The following XRCC5 variants were observed in gnomAD, a reference collection of about 807,000 sequenced individuals.
XRCC5 encodes X-ray repair cross complementing 5, also known as DNA repair protein Ku80.
XRCC5 carries 12 observed loss-of-function variants against 95.7 expected under a neutral mutation model. That is an observed-to-expected ratio of 0.13 (90% confidence interval 0.08 to 0.20). The LOEUF (loss-of-function observed/expected upper bound fraction) is 0.20, where lower values mean the gene tolerates loss of function less well. Ranked by LOEUF, XRCC5 falls within the 10% of genes least tolerant of loss-of-function variation. The pLI is 1.00. For synonymous variants in XRCC5, 281 were observed against 290.3 expected, an observed-to-expected ratio of 0.97 and a Z score of 0.33; for missense variants, 595 against 873.9, an observed-to-expected ratio of 0.68 and a Z score of 4.02.
intron 11 of XRCC5, 105 bp from the exon 12 acceptor site, chr2:216,137,984 T>A: frequency 9.9e-7 from 1 of 1,014,862 alleles, no homozygotes; most frequent in Non-Finnish European, 1.4e-6. Context: ...GCTGTCCGAT[T>A]TTTGAAATAT....
At chr2:216,179,332 C>G (rs1232387658) in intron 16 of XRCC5, among the ~76,000 whole-genome samples, 1 of 152,160 alleles carries the variant, frequency 6.6e-6, no homozygotes, top group Non-Finnish European at 1.5e-5. Context: ...TAGGGCCTTT[C>G]CTAGTGACCT....
At chr2:216,164,932 C>T (rs1689026343) in intron 16 of XRCC5, among the ~76,000 whole-genome samples, 1 of 152,198 alleles carries the variant, frequency 6.6e-6, no homozygotes, top group African/African-American at 2.4e-5. Context: ...AATCTACTCA[C>T]ATCTTAGGAA....
At chr2:216,175,263 C>A in intron 16 of XRCC5, 1 of 422,432 alleles carries the variant, frequency 2.4e-6, no homozygotes, top group South Asian at 1.8e-5. Flanking sequence ...CCTCCATAAC[C>A]ACCTCTGCTG....
chr2:216,158,954 G>A (rs1688897488), intron 14 of XRCC5, among the ~76,000 whole-genome samples: 1 of 151,844 alleles, frequency 6.6e-6, no homozygotes, highest in Non-Finnish European at 1.5e-5. Flanking sequence ...GAGGCTTTGA[G>A]CAAAAAAACA....
intron 2 of XRCC5, among the ~76,000 whole-genome samples, chr2:216,116,433 ACTT>A (rs1203928032): frequency 6.6e-6 from 1 of 152,120 alleles, no homozygotes; most frequent in Non-Finnish European, 1.5e-5. Context: ...CCACACCTCA[ACTT>A]CTGCTGAAAT....
intron 14 of XRCC5, 81 bp from the exon 15 acceptor site, chr2:216,159,987 G>GTTTTT: frequency 1.9e-6 from 1 of 518,538 alleles, no homozygotes; most frequent in Non-Finnish European, 3.1e-6. Context: ...TTTTTTTTTT[G>GTTTTT]GTGCTTGGAA....
At chr2:216,130,807 G>T in intron 8 of XRCC5, 68 bp from the exon 9 acceptor site, 1 of 1,039,456 alleles carries the variant, frequency 9.6e-7, no homozygotes, top group Non-Finnish European at 1.5e-6. Context: ...TGTATGCATG[G>T]AACTAATTTC....
At chr2:216,124,307 C>T (rs1390793205) in intron 6 of XRCC5, among the ~76,000 whole-genome samples, 4 of 152,252 alleles carry the variant, frequency 2.6e-5, no homozygotes, top group African/African-American at 7.2e-5. Context: ...AATGCAGTGA[C>T]GTGATCTCAG....
rs1250879137 is a variant in XRCC5, at chr2:216,129,422, A to G, written c.938-1453A>G. Among the ~76,000 whole-genome samples, 7 of 152,228 alleles carry G rather than the reference A, an allele frequency of 4.6e-5. 1 individual carries two copies. The South Asian group carries it at 6.2e-4, about 13-fold the overall frequency. On this transcript the variant is annotated intron_variant, in intron 8 of 20. Transcript: ENST00000392132. ...TGTTGTAGTCTATTGTAAGTATACA[A>G]TGTACAAAAGTTGGAGTTATATGCC...
Position 216,130,877 on chromosome 2 carries a change from T to A in XRCC5, c.940T>A (p.Phe314Ile). 6.2e-7 allele frequency: 1 copy of A among 1,603,624 alleles called. No individual in the cohort carries two copies. The highest frequency in any genetic ancestry group is 8.5e-7 in the Non-Finnish European group (1 of 1,175,822). Reference protein sequence around the residue: ...EVLKEDIIQGFRYGSDIVPFS... With the variant: ...EVLKEDIIQGIRYGSDIVPFS... ...GATGCTCTTCTCTTTTTCTCCAGGG[T>A]TCCGCTATGGAAGTGATATAGTTCC... is the stretch of plus-strand genomic sequence containing the variant. The change falls in exon 9 of 21, where the codon TTC (phenylalanine) becomes ATC (isoleucine). Residue 314 changes from phenylalanine to isoleucine, a missense_variant and splice_region_variant. Phe to Ile is a conservative substitution (Grantham distance 21). Coordinates refer to ENST00000392132, the MANE Select transcript of XRCC5 (RefSeq NM_021141.4).
intron 16 of XRCC5, among the ~76,000 whole-genome samples, chr2:216,176,716 T>C (rs1410751948): frequency 6.6e-6 from 1 of 152,190 alleles, no homozygotes. Flanking sequence ...ATTTCTGCTC[T>C]GATCTTTATT....
chr2:216,155,782 A>G (rs2106023887), intron 14 of XRCC5, among the ~76,000 whole-genome samples: 1 of 152,350 alleles, frequency 6.6e-6, no homozygotes, highest in East Asian at 1.9e-4. Flanking sequence ...TAATAAAAAT[A>G]TATACACATC....
At chr2:216,121,162 CT>C (rs1397655988) in intron 5 of XRCC5, among the ~76,000 whole-genome samples, 3 of 152,114 alleles carry the variant, frequency 2.0e-5, no homozygotes, top group African/African-American at 7.2e-5. Flanking sequence ...GACATTTGTC[CT>C]TTTCTGGTTA....
At chr2:216,117,613 C>T (rs763058186) in intron 3 of XRCC5, 133 bp from the exon 4 acceptor site, 13 of 747,586 alleles carry the variant, frequency 1.7e-5, no homozygotes, top group Non-Finnish European at 2.7e-5. Context: ...GGAAGAAGGG[C>T]ACTCAGGCAA....
intron 12 of XRCC5, 40 bp downstream of exon 12, chr2:216,138,219 C>T: frequency 3.8e-6 from 6 of 1,560,108 alleles, no homozygotes; most frequent in Non-Finnish European, 5.3e-6. Flanking sequence ...TGACTACACA[C>T]ACTGTTCTTG....
At chr2:216,127,801 G>C in intron 8 of XRCC5, 127 bp downstream of exon 8, 1 of 1,138,256 alleles carries the variant, frequency 8.8e-7, no homozygotes, top group Non-Finnish European at 1.2e-6. Flanking sequence ...ATAACAGTTT[G>C]AAAGGATAAT....
chr2:216,160,850 G>C (rs1688938862), intron 15 of XRCC5, among the ~76,000 whole-genome samples: 1 of 152,030 alleles, frequency 6.6e-6, no homozygotes, highest in Non-Finnish European at 1.5e-5. Flanking sequence ...CTCCTGTGTA[G>C]CTAGGACTAA....
At chr2:216,131,767 A>G (rs527385149) in intron 9 of XRCC5, among the ~76,000 whole-genome samples, 2 of 152,146 alleles carry the variant, frequency 1.3e-5, no homozygotes, top group Non-Finnish European at 2.9e-5. Flanking sequence ...AATCTCTGTA[A>G]TCTAATTTTT....
rs1356830429 is a variant in XRCC5, at chr2:216,205,221, A to G, written c.*19A>G. 6.2e-7 allele frequency: 1 copy of G among 1,613,950 alleles called. No homozygotes were observed. The highest frequency in any genetic ancestry group is 8.5e-7 in the Non-Finnish European group (1 of 1,179,852). Reference sequence around the variant, plus strand: ...GATATAGGTCGTGGATGTATGGGGAATCTAAGAGAGCTGCCATCGCTGTGA... The same window carrying G: ...GATATAGGTCGTGGATGTATGGGGAGTCTAAGAGAGCTGCCATCGCTGTGA... On this transcript the variant is annotated 3_prime_UTR_variant, in exon 21 of 21. Transcript: ENST00000392132.
Sources: gnomAD v4.1 joint callset for allele counts (sites outside exome capture counted in the v4.1 genomes callset) on GRCh38, gnomAD v4.1.1 for gene constraint, MANE v1.5 for transcripts, NCBI Gene and HGNC (gene_info 2026-07-23, HGNC 2026-07-21) for gene names.